The following DMXL1 variants were observed in gnomAD, a reference collection of about 807,000 sequenced individuals.
The protein encoded by DMXL1 is dmX-like protein 1.
DMXL1 carries 99 observed loss-of-function variants against 319.2 expected under a neutral mutation model. The ratio of observed to expected loss-of-function variants is 0.31; its 90% CI spans 0.26 to 0.37. The LOEUF is 0.37. Ranked by LOEUF, DMXL1 falls within the 10% of genes least tolerant of loss-of-function variation. The probability of loss-of-function intolerance (pLI) is 1.00; values close to 1 mark genes in which losing one functional copy is unlikely to be tolerated. For missense variants in DMXL1, 3,745 were observed against 3,595.6 expected, an observed-to-expected ratio of 1.04 and a Z score of -1.06; for synonymous variants, 1,385 against 1,235.2, an observed-to-expected ratio of 1.12 and a Z score of -2.54.
intron 39 of DMXL1, chr5:119,237,028 C>G (rs1233919614): frequency 5.9e-6 from 1 of 168,934 alleles, no homozygotes; most frequent in Non-Finnish European, 1.3e-5. Flanking sequence ...ATAGCATAAT[C>G]TGTTAATCCA....
chr5:119,228,357 A>T (rs576247921), intron 38 of DMXL1, among the ~76,000 whole-genome samples: 2 of 152,350 alleles, frequency 1.3e-5, no homozygotes, highest in East Asian at 3.9e-4. Flanking sequence ...TAACATGGCC[A>T]TGACTAAAGA....
chr5:119,176,345 A>G (rs911595904), intron 26 of DMXL1, among the ~76,000 whole-genome samples: 3 of 151,964 alleles, frequency 2.0e-5, no homozygotes, highest in Non-Finnish European at 4.4e-5. Flanking sequence ...TTGTCTGTCC[A>G]GTTTGTGTTT....
intron 38 of DMXL1, among the ~76,000 whole-genome samples, chr5:119,228,064 A>T (rs922586422): frequency 2.0e-5 from 3 of 152,152 alleles, no homozygotes; most frequent in African/African-American, 7.2e-5. Flanking sequence ...TTATTAAAAA[A>T]CCATAGATTT....
rs765206676 is a variant in DMXL1, at chr5:119,170,774, A to G, written c.5983A>G (p.Lys1995Glu). Residue 1995 changes from lysine (K) to glutamate (E), a missense_variant, in exon 24 of 44, where the codon AAA (lysine) becomes GAA (glutamate). By Grantham distance (56) the Lys-to-Glu change is moderately conservative (BLOSUM62 1). Around this residue, in one of 4 missense-constraint regions of DMXL1, gnomAD observed 1,382 missense variants for 1,269.5 expected, o/e 1.09. Transcript: ENST00000539542. ...AAAACCTTTACAGAGAAAAACAGATAAAAAGTTGGATGACATAAGTTCTAA... is the reference window on the plus strand; with the variant it reads ...AAAACCTTTACAGAGAAAAACAGATGAAAAGTTGGATGACATAAGTTCTAA... ...ELKPLQRKTD[K>E]KLDDISSNYT... The G allele has an allele frequency of 7.4e-6, 12 of 1,612,456 alleles. 1 individual carries two copies. The South Asian group carries it at 1.3e-4, about 18-fold the overall frequency.
chr5:119,116,418 TC>T, intron 7 of DMXL1, 82 bp downstream of exon 7: 2 of 1,424,820 alleles, frequency 1.4e-6, no homozygotes, highest in East Asian at 2.3e-5. Flanking sequence ...CTTTTGAGAG[TC>T]CATAGTTACA....
intron 8 of DMXL1, 127 bp from the exon 9 acceptor site, chr5:119,120,844 G>A (rs556109463): frequency 7.2e-6 from 5 of 695,440 alleles, no homozygotes; most frequent in East Asian, 3.1e-5. Flanking sequence ...GTTAAAAGGC[G>A]TTTTTACATA....
intron 34 of DMXL1, among the ~76,000 whole-genome samples, chr5:119,208,797 A>G (rs1291799916): frequency 1.3e-5 from 2 of 152,178 alleles, no homozygotes; most frequent in Non-Finnish European, 2.9e-5. Flanking sequence ...AGCCATCACC[A>G]CAACCAGGAT....
intron 1 of DMXL1, among the ~76,000 whole-genome samples, chr5:119,072,158 T>C (rs1484644354): frequency 6.6e-6 from 1 of 152,190 alleles, no homozygotes; most frequent in Non-Finnish European, 1.5e-5. Context: ...TATTTTCTTT[T>C]CTAATTCCCT....
At chr5:119,123,884 G>C (rs1762880558) in intron 9 of DMXL1, among the ~76,000 whole-genome samples, 1 of 147,266 alleles carries the variant, frequency 6.8e-6, no homozygotes, top group Non-Finnish European at 1.5e-5. Flanking sequence ...CAGTTTAGCA[G>C]ACACCAACAT....
rs145244913 is a variant in DMXL1 at position 119,091,140 on chromosome 5, G to A, written c.88-6839G>A. On this transcript the variant is annotated intron_variant, in intron 1 of 43. Coordinates refer to ENST00000539542, the MANE Select transcript of DMXL1 (RefSeq NM_001290321.3). ...TTCTTGGTCAGAGAGCTCACATATC[G>A]CCTACTGGTTGGGGTCAGGTTCCTT... Among the ~76,000 whole-genome samples, 11 of 152,002 alleles carry A rather than the reference G, an allele frequency of 7.2e-5. No homozygotes were observed. In the East Asian group the frequency reaches 1.5e-3, roughly 21 times the overall value.
Position 119,133,229 on chromosome 5 carries a change from G to A in DMXL1, c.1413G>A (p.Ser471=), listed in dbSNP as rs768346418. 14 of 1,614,108 alleles carry A rather than the reference G, an allele frequency of 8.7e-6. No homozygotes were observed. The highest frequency in any genetic ancestry group is 4.5e-5 in the East Asian group (2 of 44,874). The stretch of plus-strand genomic sequence containing the variant: ...CAAACTCAAGTTTTACATCATTATC[G>A]TCAGCTGCCATTGATCATCAGATTG... The part of the protein sequence containing the change: ...MVPNSSFTSL[S]SAAIDHQIEV... Residue 471 remains serine, a synonymous_variant, in exon 11 of 44, where the codon TCG becomes TCA. Transcript: ENST00000539542.
chr5:119,148,372 G>T (rs1042482125), intron 17 of DMXL1, among the ~76,000 whole-genome samples: 3 of 152,056 alleles, frequency 2.0e-5, no homozygotes, highest in Non-Finnish European at 4.4e-5. Flanking sequence ...AACAAATTCG[G>T]GATTAACTAG....
At chr5:119,223,745 G>A (rs1785048373) in intron 37 of DMXL1, among the ~76,000 whole-genome samples, 1 of 151,880 alleles carries the variant, frequency 6.6e-6, no homozygotes, top group Non-Finnish European at 1.5e-5. Flanking sequence ...ACCTGTGTTT[G>A]TATATTTTTT....
intron 28 of DMXL1, among the ~76,000 whole-genome samples, chr5:119,185,236 CT>C (rs1396621443): frequency 6.6e-6 from 1 of 151,972 alleles, no homozygotes; most frequent in Non-Finnish European, 1.5e-5. Context: ...CCCTTTCCCC[CT>C]ATTTATCAAA....
At chr5:119,110,399 T>C in intron 5 of DMXL1, 116 bp downstream of exon 5, 1 of 922,218 alleles carries the variant, frequency 1.1e-6, no homozygotes, top group South Asian at 2.5e-5. Context: ...ATTTTTAGTC[T>C]ATGATATGCT....
chr5:119,130,334 GT>G (rs140167068), intron 10 of DMXL1, among the ~76,000 whole-genome samples: 4,292 of 147,124 alleles, frequency 0.029, 194 homozygotes, highest in African/African-American at 0.1. Context: ...TGCACTTTGT[GT>G]TTTTTTTTTG....
intron 8 of DMXL1, among the ~76,000 whole-genome samples, chr5:119,119,939 G>A (rs1276748512): frequency 6.6e-6 from 1 of 151,882 alleles, no homozygotes; most frequent in East Asian, 1.9e-4. Context: ...GGAGTGTAGT[G>A]GGGCGATACC....
intron 8 of DMXL1, 80 bp downstream of exon 8, chr5:119,119,084 T>C (rs922333886): frequency 1.1e-6 from 1 of 883,306 alleles, no homozygotes; most frequent in East Asian, 2.8e-5. Flanking sequence ...AGTAATGTTA[T>C]AAAAAAACTA....
chr5:119,170,430 A>G lies in DMXL1; in HGVS notation c.5639A>G (p.Lys1880Arg). ...ATGTTGGCTTTGGAAGTATTATCAA[A>G]GATGCCTAAAGTCATCAAGAAAACA... ...CPMLALEVLS[K>R]MPKVIKKTRP... Residue 1880 changes from lysine to arginine, a missense_variant, in exon 24 of 44, where the codon AAG (lysine) becomes AGG (arginine). By Grantham distance (26) the Lys-to-Arg change is conservative. This residue lies in a region of DMXL1 where 1,382 missense variants were observed against 1,269.5 expected (regional missense o/e 1.09). Coordinates refer to ENST00000539542, the MANE Select transcript of DMXL1 (RefSeq NM_001290321.3). 6.2e-7 allele frequency: 1 copy of G among 1,614,016 alleles called. No homozygotes were observed. The highest frequency in any genetic ancestry group is 8.5e-7 in the Non-Finnish European group (1 of 1,179,946).
Sources: gnomAD v4.1 joint callset for allele counts (sites outside exome capture counted in the v4.1 genomes callset) on GRCh38, gnomAD v4.1.1 for gene constraint, gnomAD v4.1.1 regional missense constraint, MANE v1.5 for transcripts, NCBI Gene and HGNC (gene_info 2026-07-23, HGNC 2026-07-21) for gene names.